GCFC2: variants seen among roughly 807,000 people sequenced by gnomAD.
GCFC2 encodes intron Large complex component GCFC2.
In GCFC2, 102 loss-of-function variants were observed where a neutral mutation model predicts 99.4. That is an observed-to-expected ratio of 1.03 (90% CI 0.87 to 1.21). The LOEUF (loss-of-function observed/expected upper bound fraction) is 1.21, where lower values mean the gene tolerates loss of function less well. Among genes scored for constraint, GCFC2 ranks in the 50% most tolerant of loss-of-function variants. The pLI is 0.00. For missense variants in GCFC2, 973 were observed against 920.9 expected, an observed-to-expected ratio of 1.06 and a Z score of -0.73; for synonymous variants, 338 against 316.8, an observed-to-expected ratio of 1.07 and a Z score of -0.71.
chr2:75,682,324 G>A (rs1679618403), intron 11 of GCFC2, among the ~76,000 whole-genome samples: 1 of 151,890 alleles, frequency 6.6e-6, no homozygotes, highest in Admixed American at 6.5e-5. Flanking sequence ...TGGACCTCCA[G>A]CAAACTCCAG....
At chr2:75,681,464 C>T (rs575999015) in intron 11 of GCFC2, among the ~76,000 whole-genome samples, 2 of 151,914 alleles carry the variant, frequency 1.3e-5, no homozygotes, top group Admixed American at 6.5e-5. Flanking sequence ...CAGTGCCTAC[C>T]CCACCAGGGC....
intron 13 of GCFC2, 92 bp from the exon 14 acceptor site, chr2:75,672,108 A>G: frequency 1.9e-6 from 1 of 520,560 alleles, no homozygotes; most frequent in South Asian, 2.2e-5. Flanking sequence ...TTTTAAACCA[A>G]CCAAACTAAG....
At chr2:75,711,336 G>A, upstream of GCFC2, 1 of 294,584 alleles carries the variant, frequency 3.4e-6, no homozygotes, top group Non-Finnish European at 5.0e-6. Flanking sequence ...ATGCCTTTGA[G>A]AACAAAACCA....
intron 14 of GCFC2, 64 bp from the exon 15 acceptor site, chr2:75,670,348 C>A (rs988306306): frequency 1.7e-6 from 2 of 1,170,028 alleles, no homozygotes; most frequent in East Asian, 2.3e-5. Flanking sequence ...TAGTCTCTAA[C>A]AAACATGAAG....
chr2:75,698,465 C>T (rs1035188605), intron 4 of GCFC2, among the ~76,000 whole-genome samples: 2 of 152,122 alleles, frequency 1.3e-5, no homozygotes, highest in Admixed American at 6.5e-5. Flanking sequence ...GATTCAGTGA[C>T]TCCAGTGAAT....
rs149193620 is a variant in GCFC2 at position 75,696,430 on chromosome 2, T to C, written c.718-115A>G. 713 of 488,604 alleles carry C rather than the reference T, an allele frequency of 1.5e-3. 2 individuals are homozygous for C. The highest frequency in any genetic ancestry group is 0.013 in the African/African-American group (659 of 49,928). 30.3% of individuals were successfully genotyped at this position (488,604 alleles called of 1,614,324 possible). On this transcript the variant is annotated intron_variant, in intron 4 of 16. Coordinates refer to ENST00000321027, the MANE Select transcript of GCFC2 (RefSeq NM_003203.5). ...GGTCTCTTCAAGCTAAAAAATTCCA[T>C]GTCTTTGTAATTTTTCATGGTCCCA... is the stretch of plus-strand genomic sequence containing the variant.
At chr2:75,707,113 C>T (rs902236940) in intron 1 of GCFC2, among the ~76,000 whole-genome samples, 1 of 152,150 alleles carries the variant, frequency 6.6e-6, no homozygotes, top group African/African-American at 2.4e-5. Context: ...GGATAAAGAA[C>T]ACCAACTCGG....
At chr2:75,699,011 CAA>C (rs57676585) in intron 4 of GCFC2, among the ~76,000 whole-genome samples, 39 of 84,368 alleles carry the variant, frequency 4.6e-4, no homozygotes, top group Admixed American at 2.4e-4. Flanking sequence ...AACTCTGTCT[CAA>C]AAAAAAAAAA....
chr2:75,687,912 A>G lies in GCFC2; in HGVS notation c.1605T>C (p.Ser535=). The part of the protein sequence containing the change: ...FKSVEEFMDS[S]VEDSKKESSS... ...TACTTTCCTTCTTTGAATCTTCCAC[A>G]CTGCTATCCATAAATTCTTCTACAG... is the stretch of plus-strand genomic sequence containing the variant. The change falls in exon 11 of 17, where the codon AGT becomes AGC. Residue 535 remains serine (S), a synonymous_variant. Coordinates refer to ENST00000321027, the MANE Select transcript of GCFC2 (RefSeq NM_003203.5). The G allele has an allele frequency of 6.3e-7, 1 of 1,596,142 alleles. No individual in the cohort carries two copies. The highest frequency in any genetic ancestry group is 8.6e-7 in the Non-Finnish European group (1 of 1,165,458).
At chr2:75,696,027 C>A (rs1455887406) in intron 5 of GCFC2, among the ~76,000 whole-genome samples, 173 bp downstream of exon 5, 5 of 152,064 alleles carry the variant, frequency 3.3e-5, no homozygotes, top group Non-Finnish European at 7.4e-5. Flanking sequence ...ATGGGGGGGA[C>A]TAGTGTATAC....
intron 3 of GCFC2, 140 bp from the exon 4 acceptor site, chr2:75,701,427 G>C (rs961620205): frequency 1.6e-6 from 1 of 607,246 alleles, no homozygotes; most frequent in African/African-American, 1.9e-5. Flanking sequence ...TGGGAAGAAG[G>C]CACTATTACT....
rs78741892 is a variant in GCFC2 at position 75,671,179 on chromosome 2, T to C, written c.1956+771A>G. 4.5e-4 allele frequency among the ~76,000 whole-genome samples: 68 copies of C among 152,344 alleles called. 1 individual carries two copies. The East Asian group carries it at 0.01, about 23-fold the overall frequency. On this transcript the variant is annotated intron_variant, in intron 14 of 16. Coordinates refer to ENST00000321027, the MANE Select transcript of GCFC2 (RefSeq NM_003203.5). The stretch of plus-strand genomic sequence containing the variant: ...CTTGTGATCATCCTAAGGCTCATAA[T>C]TGATTCTACAGATTCCCTGAAGCCT...
Position 75,702,337 on chromosome 2 carries a change from C to T in GCFC2, c.481G>A (p.Val161Ile). The part of the protein sequence containing the change: ...RAQDDYISLD[V>I]QHTSSISGMK... ...CCAGAGATGGAGGAGGTATGTTGTA[C>T]ATCCAAAGAAATATAGTCATCTTGG... is the stretch of plus-strand genomic sequence containing the variant. Residue 161 changes from valine to isoleucine, a missense_variant, in exon 3 of 17, where the codon GTA becomes ATA. Coordinates refer to ENST00000321027, the MANE Select transcript of GCFC2 (RefSeq NM_003203.5). The T allele has an allele frequency of 2.5e-6, 4 of 1,613,038 alleles. No individual in the cohort carries two copies. Among genetic ancestry groups the T allele is most frequent in the Non-Finnish European group, 3.4e-6 (4 of 1,178,996 alleles).
chr2:75,701,093 G>T, intron 4 of GCFC2, 97 bp downstream of exon 4: 1 of 718,790 alleles, frequency 1.4e-6, no homozygotes, highest in South Asian at 1.7e-5. Flanking sequence ...TCCACGCTGT[G>T]AGAGAATAAA....
chr2:75,709,084 G>A (rs1680997785), intron 1 of GCFC2, among the ~76,000 whole-genome samples: 1 of 151,890 alleles, frequency 6.6e-6, no homozygotes, highest in Non-Finnish European at 1.5e-5. Flanking sequence ...CCTTTTTTGG[G>A]GTAATACTTT....
At chr2:75,697,294 G>C (rs1286451517) in intron 4 of GCFC2, among the ~76,000 whole-genome samples, 2 of 152,172 alleles carry the variant, frequency 1.3e-5, no homozygotes, top group African/African-American at 4.8e-5. Flanking sequence ...CACTGGCTTA[G>C]CTATTCTTTT....
Position 75,687,926 on chromosome 2 carries a change from ATTC to A in GCFC2, c.1588_1590del (p.Glu530del), listed in dbSNP as rs765333233. 11 of 1,602,392 alleles carry A rather than the reference ATTC, an allele frequency of 6.9e-6. No homozygotes were observed. Among genetic ancestry groups the A allele is most frequent in the Non-Finnish European group, 9.4e-6 (11 of 1,171,808 alleles). On this transcript the variant is annotated inframe_deletion, in exon 11 of 17. Transcript: ENST00000321027. ...GAATCTTCCACACTGCTATCCATAA[ATTC>A]TTCTACAGATTTGAACCATGGCATC...
At chr2:75,711,771 G>A (rs1210067465), upstream of GCFC2, among the ~76,000 whole-genome samples, 3 of 152,364 alleles carry the variant, frequency 2.0e-5, no homozygotes, top group Non-Finnish European at 2.9e-5. Flanking sequence ...GCCCACCGGC[G>A]CTGTGCTCGA....
Position 75,689,102 on chromosome 2 carries a change from G to A in GCFC2, c.1463C>T (p.Ala488Val), listed in dbSNP as rs1376522287. The change falls in exon 10 of 17, where the codon GCT becomes GTT. Residue 488 changes from alanine (A) to valine (V), a missense_variant. Ala to Val is a moderately conservative substitution (Grantham distance 64). Transcript: ENST00000321027. ...CTTTGGTATGCATAAACTAATGAAAGCTTCATAATAGGAGTCAGGAAACTT... is the reference window on the plus strand; with the variant it reads ...CTTTGGTATGCATAAACTAATGAAAACTTCATAATAGGAGTCAGGAAACTT... Reference protein sequence around the residue: ...REKFPDSYYEAFISLCIPKLL... With the variant: ...REKFPDSYYEVFISLCIPKLL... The A allele has an allele frequency of 6.3e-7, 1 of 1,595,644 alleles. No homozygotes were observed. The highest frequency in any genetic ancestry group is 1.1e-5 in the South Asian group (1 of 90,008).
Sources: allele counts gnomAD v4.1 joint callset (sites outside exome capture counted in the v4.1 genomes callset), GRCh38; gene constraint gnomAD v4.1.1; transcripts MANE v1.5; gene names NCBI Gene and HGNC (gene_info 2026-07-23, HGNC 2026-07-21).